Variants in GRM3 observed in about 807,000 individuals in gnomAD.
GRM3 encodes the protein metabotropic glutamate receptor 3.
In GRM3, 26 loss-of-function variants were observed where a neutral mutation model predicts 70.5. The ratio of observed to expected loss-of-function variants is 0.37; its 90% confidence interval spans 0.27 to 0.51. The LOEUF (loss-of-function observed/expected upper bound fraction) is 0.51. GRM3 is among the 20% of genes least tolerant of loss of function. GRM3 has a pLI of 0.93. For missense variants in GRM3, 859 were observed against 1,123.8 expected (o/e 0.76, Z 3.37); for synonymous variants, 443 against 434.9 (o/e 1.02, Z -0.23).
chr7:86,757,454 C>T (rs1796371630), intron 1 of GRM3, among the ~76,000 whole-genome samples: 1 of 152,164 alleles, frequency 6.6e-6, no homozygotes, highest in Non-Finnish European at 1.5e-5. Context: ...TAATAGAGTA[C>T]AGCCAGTCTT....
intron 1 of GRM3, among the ~76,000 whole-genome samples, chr7:86,727,346 A>G (rs1328094014): frequency 6.6e-6 from 1 of 152,124 alleles, no homozygotes; most frequent in Admixed American, 6.6e-5. Context: ...TATATATTCC[A>G]TCTACTTTTC....
At chr7:86,740,924 A>G (rs1017450749) in intron 1 of GRM3, among the ~76,000 whole-genome samples, 1 of 152,176 alleles carries the variant, frequency 6.6e-6, no homozygotes, top group East Asian at 1.9e-4. Flanking sequence ...CTGAAGATGT[A>G]CAGATCAACC....
At chr7:86,817,503 A>T (rs1174770453) in intron 3 of GRM3, among the ~76,000 whole-genome samples, 1 of 151,924 alleles carries the variant, frequency 6.6e-6, no homozygotes, top group Non-Finnish European at 1.5e-5. Context: ...TTTGTTGTCC[A>T]TTATTTTTTA....
chr7:86,682,263 G>C (rs759655294), intron 1 of GRM3, among the ~76,000 whole-genome samples: 3 of 152,068 alleles, frequency 2.0e-5, no homozygotes, highest in Admixed American at 6.5e-5. Context: ...AATGTCAATA[G>C]AGCAGTATTT....
chr7:86,826,808 T>C (rs1798243321), intron 3 of GRM3, among the ~76,000 whole-genome samples: 2 of 152,230 alleles, frequency 1.3e-5, no homozygotes. Flanking sequence ...TATTATGGGA[T>C]GTTCAGCAAC....
At chr7:86,759,600 G>A (rs1440096107) in intron 1 of GRM3, among the ~76,000 whole-genome samples, 2 of 152,068 alleles carry the variant, frequency 1.3e-5, no homozygotes, top group African/African-American at 4.8e-5. Flanking sequence ...CAAACTAATG[G>A]TAAAGTAAGA....
chr7:86,660,221 G>T (rs1430549794), intron 1 of GRM3, among the ~76,000 whole-genome samples: 1 of 152,024 alleles, frequency 6.6e-6, no homozygotes, highest in Non-Finnish European at 1.5e-5. Flanking sequence ...AAATCCCTAG[G>T]AGGAGAACAG....
At chr7:86,745,118 G>A (rs1021607477) in intron 1 of GRM3, among the ~76,000 whole-genome samples, 2 of 152,062 alleles carry the variant, frequency 1.3e-5, no homozygotes, top group Admixed American at 1.3e-4. Context: ...TGGCATGTGG[G>A]TCATTTTCTT....
At position 86,782,054 on chromosome 7, in the gene GRM3, C is replaced by G. The variant is rs146441556; in HGVS notation, c.469-4207C>G. Among the ~76,000 whole-genome samples, 406 of 152,280 alleles carry G rather than the reference C, an allele frequency of 2.7e-3. 2 individuals carry two copies. Among genetic ancestry groups the G allele is most frequent in the African/African-American group, 8.9e-3 (369 of 41,568 alleles). ...ACCCATGCTGATTCCTAGTACTTTCCTCGTTCAGTTCTAAGTGTTTCCATG... is the reference window on the plus strand; with the variant it reads ...ACCCATGCTGATTCCTAGTACTTTCGTCGTTCAGTTCTAAGTGTTTCCATG... On this transcript the variant is annotated intron_variant, in intron 2 of 5. Coordinates refer to ENST00000361669, the MANE Select transcript of GRM3 (RefSeq NM_000840.3).
intron 5 of GRM3, among the ~76,000 whole-genome samples, chr7:86,857,780 C>T (rs1370772525): frequency 6.6e-6 from 1 of 151,950 alleles, no homozygotes; most frequent in African/African-American, 2.4e-5. Context: ...AGAGGAGAAA[C>T]CAGTGATGTT....
chr7:86,651,674 A>G lies in GRM3; in HGVS notation c.-141+6802A>G, dbSNP rs75120514. On this transcript the variant is annotated intron_variant, in intron 1 of 5. Coordinates refer to ENST00000361669, the MANE Select transcript of GRM3 (RefSeq NM_000840.3). ...ATATATGGACTGGTGACCAGTCCATACTATATTGGTCACTACTACACTGGT... is the reference window on the plus strand; with the variant it reads ...ATATATGGACTGGTGACCAGTCCATGCTATATTGGTCACTACTACACTGGT... Among the ~76,000 whole-genome samples the G allele has an allele frequency of 5.6e-3, 854 of 152,274 alleles. 7 individuals are homozygous for G. The highest frequency in any genetic ancestry group is 0.02 in the African/African-American group (818 of 41,570).
chr7:86,823,776 C>A (rs1378116237), intron 3 of GRM3, among the ~76,000 whole-genome samples: 1 of 151,886 alleles, frequency 6.6e-6, no homozygotes, highest in Non-Finnish European at 1.5e-5. Context: ...TTCCCACCAC[C>A]CTCCCTTAAA....
chr7:86,800,594 A>C (rs1209009358), intron 3 of GRM3, among the ~76,000 whole-genome samples: 1 of 152,260 alleles, frequency 6.6e-6, no homozygotes, highest in Non-Finnish European at 1.5e-5. Flanking sequence ...ACAAGGGAGA[A>C]GTTGAATCCC....
At chr7:86,762,820 G>A (rs1796513148) in intron 1 of GRM3, among the ~76,000 whole-genome samples, 1 of 152,036 alleles carries the variant, frequency 6.6e-6, no homozygotes, top group Non-Finnish European at 1.5e-5. Context: ...AACAGCATGA[G>A]CAAAAGCAAG....
chr7:86,655,820 C>CTCTG (rs1554343806), intron 1 of GRM3, among the ~76,000 whole-genome samples: 1 of 144,442 alleles, frequency 6.9e-6, no homozygotes. Flanking sequence ...AAGGCTAACT[C>CTCTG]TGTGTGTGTG....
chr7:86,706,526 G>T (rs1795060939), intron 1 of GRM3, among the ~76,000 whole-genome samples: 1 of 151,980 alleles, frequency 6.6e-6, no homozygotes, highest in Admixed American at 6.6e-5. Context: ...GCTTTGTGGT[G>T]GGCAGTATGC....
In GRM3 at chr7:86,751,173, C is replaced by T. The variant is rs116383841; in HGVS notation, c.-140-13833C>T. On this transcript the variant is annotated intron_variant, in intron 1 of 5. Coordinates refer to ENST00000361669, the MANE Select transcript of GRM3 (RefSeq NM_000840.3). ...GCATCTGGAAAGAGCAGTAGTAATC[C>T]GAAGCTCTTAAGCTCTGCCATGCAG... Among the ~76,000 whole-genome samples, 423 of 152,150 alleles carry T rather than the reference C, an allele frequency of 2.8e-3. 2 individuals carry two copies. Among genetic ancestry groups the T allele is most frequent in the African/African-American group, 9.7e-3 (402 of 41,528 alleles).
At chr7:86,826,262 T>C (rs1212366435) in intron 3 of GRM3, among the ~76,000 whole-genome samples, 2 of 152,128 alleles carry the variant, frequency 1.3e-5, no homozygotes, top group African/African-American at 4.8e-5. Context: ...TGGGAGAAAA[T>C]TTGCATTCAG....
At chr7:86,660,275 G>A (rs935854063) in intron 1 of GRM3, among the ~76,000 whole-genome samples, 1 of 151,984 alleles carries the variant, frequency 6.6e-6, no homozygotes, top group African/African-American at 2.4e-5. Flanking sequence ...AAATGATTGC[G>A]AATTAATTGT....
Sources: allele counts gnomAD v4.1 joint callset (sites outside exome capture counted in the v4.1 genomes callset), GRCh38; gene constraint gnomAD v4.1.1; transcripts MANE v1.5; gene names NCBI Gene and HGNC (gene_info 2026-07-23, HGNC 2026-07-21).